IPO7: variants seen among roughly 807,000 people sequenced by gnomAD.
The protein encoded by IPO7 is importin 7, also known as importin-7.
IPO7 carries 13 observed loss-of-function variants against 136.4 expected under a neutral mutation model. That is an observed-to-expected ratio of 0.10 (90% CI 0.06 to 0.15). The LOEUF (loss-of-function observed/expected upper bound fraction) is 0.15. Among genes scored for constraint, IPO7 ranks in the 10% least tolerant of loss-of-function variants. The pLI is 1.00. For synonymous variants in IPO7, 403 were observed against 404.4 expected, an observed-to-expected ratio of 1.00 and a Z score of 0.04; for missense variants, 857 against 1,240.6, an observed-to-expected ratio of 0.69 and a Z score of 4.65.
rs575372598 is a variant in IPO7, at chr11:9,418,423, A to G, written c.726+1275A>G. Among the ~76,000 whole-genome samples, 5 of 152,224 alleles carry G rather than the reference A, an allele frequency of 3.3e-5. No individual in the cohort carries two copies. In the South Asian group the frequency reaches 8.3e-4, roughly 25 times the overall value. ...TTAATATATACTTATTTAACCCTCA[A>G]AATCCTTCTGACTTTTATTTTAAAC... On this transcript the variant is annotated intron_variant, in intron 6 of 24. Coordinates refer to ENST00000379719, the MANE Select transcript of IPO7 (RefSeq NM_006391.3).
chr11:9,413,652 A>G (rs949743204), intron 4 of IPO7, among the ~76,000 whole-genome samples: 2 of 151,912 alleles, frequency 1.3e-5, no homozygotes, highest in Admixed American at 1.3e-4. Flanking sequence ...AAGTGAGGAT[A>G]CTCATGTGGG....
At position 9,434,852 on chromosome 11, in the gene IPO7, C is replaced by G. The variant is rs1590451232; in HGVS notation, c.2075-82C>G. On this transcript the variant is annotated intron_variant, in intron 18 of 24. Transcript: ENST00000379719. ...AGACAAAATGATCTCATAGATTTGC[C>G]TTTTTCTAAGGAAATTTTTCAAAAG... 19 of 966,676 alleles carry G rather than the reference C, an allele frequency of 2.0e-5. No homozygotes were observed. The East Asian group carries it at 4.6e-4, about 23-fold the overall frequency. The allele number at this position is 966,676 out of a possible 1,614,324, so 59.9% of individuals were successfully genotyped here.
intron 12 of IPO7, among the ~76,000 whole-genome samples, chr11:9,426,058 T>A (rs562819665): frequency 5.0e-4 from 75 of 151,226 alleles, no homozygotes; most frequent in African/African-American, 1.4e-3. Flanking sequence ...CAAAAAAAAA[T>A]AAAAAAATAA....
chr11:9,433,646 C>G lies in IPO7; in HGVS notation c.1948+10C>G. 6.2e-7 allele frequency: 1 copy of G among 1,612,646 alleles called. No homozygotes were observed. The highest frequency in any genetic ancestry group is 8.5e-7 in the Non-Finnish European group (1 of 1,179,376). ...CAACAGCATGTCTTAGGTATTATACCTCTGATTGTGCTAAGAATTTAGTGC... is the reference window on the plus strand; with the variant it reads ...CAACAGCATGTCTTAGGTATTATACGTCTGATTGTGCTAAGAATTTAGTGC... On this transcript the variant is annotated intron_variant, in intron 17 of 24. Transcript: ENST00000379719.
chr11:9,389,539 T>C (rs1308253277), intron 1 of IPO7, among the ~76,000 whole-genome samples: 1 of 152,178 alleles, frequency 6.6e-6, no homozygotes, highest in East Asian at 1.9e-4. Context: ...ATACAATACA[T>C]GTGGTCAGTA....
chr11:9,431,399 A>T (rs958500122), intron 16 of IPO7, among the ~76,000 whole-genome samples: 6 of 152,002 alleles, frequency 3.9e-5, no homozygotes, highest in African/African-American at 1.2e-4. Flanking sequence ...TGCAACCATC[A>T]CTACCATCTT....
intron 10 of IPO7, among the ~76,000 whole-genome samples, chr11:9,424,172 T>G (rs1855171575): frequency 6.6e-6 from 1 of 152,228 alleles, no homozygotes; most frequent in African/African-American, 2.4e-5. Context: ...GGATCTTATG[T>G]TAGCCATCAT....
intron 2 of IPO7, among the ~76,000 whole-genome samples, chr11:9,406,386 C>T (rs1173447642): frequency 2.0e-5 from 3 of 151,786 alleles, no homozygotes; most frequent in African/African-American, 7.3e-5. Flanking sequence ...TAAGAGTCTG[C>T]CTTTAAATCC....
At chr11:9,407,644 CA>C (rs1700647703) in intron 2 of IPO7, among the ~76,000 whole-genome samples, 1 of 152,148 alleles carries the variant, frequency 6.6e-6, no homozygotes. Context: ...TAAATTAAAG[CA>C]AACTAGAATA....
chr11:9,440,349 G>A, intron 22 of IPO7, 106 bp from the exon 23 acceptor site: 2 of 876,674 alleles, frequency 2.3e-6, no homozygotes, highest in South Asian at 1.5e-5. Flanking sequence ...GCTCTCTCTT[G>A]TCACTTGTGA....
intron 6 of IPO7, among the ~76,000 whole-genome samples, chr11:9,419,425 G>A (rs996833163): frequency 6.6e-6 from 1 of 151,658 alleles, no homozygotes; most frequent in Non-Finnish European, 1.5e-5. Flanking sequence ...GTGCAAGCCT[G>A]TAGTCCCAGC....
intron 12 of IPO7, among the ~76,000 whole-genome samples, chr11:9,425,488 C>A (rs1261627940): frequency 6.6e-6 from 1 of 152,168 alleles, no homozygotes; most frequent in African/African-American, 2.4e-5. Context: ...TGCCTGTAAT[C>A]CCAGCTATTT....
Position 9,445,249 on chromosome 11 carries a change from A to C in IPO7, c.*55A>C. ...GTAGTGAAGAGCTTGTGTTCCTCCTAGTAGTGGTTCCAGAACTGGTTCATG... is the reference window on the plus strand; with the variant it reads ...GTAGTGAAGAGCTTGTGTTCCTCCTCGTAGTGGTTCCAGAACTGGTTCATG... On this transcript the variant is annotated 3_prime_UTR_variant, in exon 25 of 25. Transcript: ENST00000379719. 1 of 1,105,942 alleles carries C rather than the reference A, an allele frequency of 9.0e-7. No individual in the cohort carries two copies. The highest frequency in any genetic ancestry group is 1.7e-5 in the Admixed American group (1 of 57,802). The allele number at this position is 1,105,942 out of a possible 1,614,324, so 68.5% of individuals were successfully genotyped here.
At chr11:9,429,340 A>C in intron 14 of IPO7, 144 bp downstream of exon 14, 1 of 694,978 alleles carries the variant, frequency 1.4e-6, no homozygotes, top group South Asian at 1.9e-5. Flanking sequence ...CATCTCTACA[A>C]AAAAAATTTT....
intron 1 of IPO7, among the ~76,000 whole-genome samples, chr11:9,395,185 G>A (rs1854691282): frequency 6.6e-6 from 1 of 152,076 alleles, no homozygotes; most frequent in African/African-American, 2.4e-5. Context: ...ATTTTAAAGG[G>A]TTTTTGTGAT....
At chr11:9,391,488 A>G (rs1376376234) in intron 1 of IPO7, among the ~76,000 whole-genome samples, 1 of 152,100 alleles carries the variant, frequency 6.6e-6, no homozygotes, top group Non-Finnish European at 1.5e-5. Context: ...TGGGTGGATC[A>G]TGAGGTCAGG....
intron 1 of IPO7, among the ~76,000 whole-genome samples, chr11:9,400,939 C>G (rs897282578): frequency 6.6e-6 from 1 of 151,554 alleles, no homozygotes. Context: ...CCCAGCACTT[C>G]AGGAAGCCGA....
chr11:9,440,714 T>C, intron 23 of IPO7, 53 bp downstream of exon 23: 4 of 1,358,300 alleles, frequency 2.9e-6, no homozygotes, highest in Non-Finnish European at 4.2e-6. Flanking sequence ...TCTGTTGTAG[T>C]TTCTGCCTGC....
chr11:9,427,466 G>A (rs1855228360), intron 12 of IPO7, among the ~76,000 whole-genome samples: 1 of 152,138 alleles, frequency 6.6e-6, no homozygotes, highest in African/African-American at 2.4e-5. Context: ...CACCATGTTG[G>A]CCTGGCTGGT....
Sources: gnomAD v4.1 joint callset for allele counts (sites outside exome capture counted in the v4.1 genomes callset) on GRCh38, gnomAD v4.1.1 for gene constraint, MANE v1.5 for transcripts, NCBI Gene and HGNC (gene_info 2026-07-23, HGNC 2026-07-21) for gene names.